BLTP2: variants seen among roughly 807,000 people sequenced by gnomAD.
The protein encoded by BLTP2 is U937-associated antigen.
chr17:28,618,866 T>A, the BLTP2 span: 2 of 1,614,148 alleles, frequency 1.2e-6, no homozygotes, highest in Non-Finnish European at 1.7e-6. Flanking sequence ...GGCGCCACCG[T>A]GCCTGAGCAA....
the BLTP2 span, chr17:28,643,762 T>C: frequency 7.7e-6 from 9 of 1,172,108 alleles, no homozygotes; most frequent in Non-Finnish European, 1.0e-5. Context: ...TTCTCTTTCA[T>C]AGCCATGTTG....
chr17:28,645,064 C>T, the BLTP2 span: 5 of 1,589,166 alleles, frequency 3.1e-6, no homozygotes, highest in Non-Finnish European at 4.3e-6. Flanking sequence ...CATTTAGGTC[C>T]GGGTCCGGCC....
the BLTP2 span, chr17:28,635,045 G>A: frequency 6.2e-7 from 1 of 1,613,382 alleles, no homozygotes; most frequent in Non-Finnish European, 8.5e-7. Context: ...AGTCCCTTCA[G>A]CCACTTCTGA....
the BLTP2 span, chr17:28,615,530 T>C: frequency 9.2e-7 from 1 of 1,092,484 alleles, no homozygotes; most frequent in African/African-American, 1.6e-5. Flanking sequence ...AGGGTAGGCA[T>C]AGAAGCCACT....
At chr17:28,616,034 ATC>A in the BLTP2 span, 2 of 1,348,452 alleles carry the variant, frequency 1.5e-6, no homozygotes, top group Non-Finnish European at 2.1e-6. This position sits in a 1 kb window ranked among gnomAD's most constrained non-coding sequence, Gnocchi z 4.8. Context: ...CCTGTATAGA[ATC>A]TCTGATCTTA....
At chr17:28,625,517 G>A in the BLTP2 span, among the ~76,000 whole-genome samples, 5 of 151,954 alleles carry the variant, frequency 3.3e-5, no homozygotes, top group Non-Finnish European at 5.9e-5. Context: ...CCTTACTAGT[G>A]ACGCAAATTC....
At chr17:28,640,469 C>A in the BLTP2 span, 1 of 1,355,026 alleles carries the variant, frequency 7.4e-7, no homozygotes, top group Non-Finnish European at 1.0e-6. Flanking sequence ...TCCCCGTAGA[C>A]AAGCTCAGCA....
the BLTP2 span, chr17:28,615,552 C>T: frequency 1.5e-6 from 2 of 1,368,778 alleles, no homozygotes; most frequent in African/African-American, 1.4e-5. Flanking sequence ...ACTTCATGCA[C>T]CTGCCCCTTC....
At chr17:28,633,912 A>G in the BLTP2 span, 1 of 1,614,124 alleles carries the variant, frequency 6.2e-7, no homozygotes, top group South Asian at 1.1e-5. Context: ...GTCATGGTAG[A>G]ATTTGAGTGG....
the BLTP2 span, among the ~76,000 whole-genome samples, chr17:28,615,489 T>G: frequency 2.0e-5 from 3 of 152,360 alleles, no homozygotes; most frequent in East Asian, 1.9e-4. Context: ...CAGTAAACAC[T>G]GAATTTAATA....
At chr17:28,639,738 T>G in the BLTP2 span, 132 of 1,417,854 alleles carry the variant, frequency 9.3e-5, 1 homozygote, top group East Asian at 3.0e-3. Context: ...ATCAACAGAC[T>G]GTCATCAAAA....
At chr17:28,634,465 C>A in the BLTP2 span, 1 of 1,554,102 alleles carries the variant, frequency 6.4e-7, no homozygotes, top group South Asian at 1.2e-5. Flanking sequence ...GAGAGCTCCC[C>A]AGAGCTCAGC....
At chr17:28,619,808 C>T in the BLTP2 span, 4 of 1,613,724 alleles carry the variant, frequency 2.5e-6, no homozygotes, top group African/African-American at 1.3e-5. Context: ...GAGAGACCGC[C>T]CTCGTTCTAG....
the BLTP2 span, chr17:28,642,836 G>A: frequency 8.1e-7 from 1 of 1,233,544 alleles, no homozygotes; most frequent in Non-Finnish European, 1.2e-6. Context: ...GGCAAGAATA[G>A]GACGGCTAGA....
chr17:28,632,289 T>G, the BLTP2 span: 1 of 1,502,344 alleles, frequency 6.7e-7, no homozygotes, highest in Non-Finnish European at 9.1e-7. Flanking sequence ...AACACAGAGG[T>G]AAAGCTAAAT....
the BLTP2 span, chr17:28,628,580 T>C: frequency 5.6e-6 from 9 of 1,603,304 alleles, no homozygotes; most frequent in Non-Finnish European, 7.7e-6. Context: ...GGAAAAGGAC[T>C]TCAGGGTAGC....
the BLTP2 span, among the ~76,000 whole-genome samples, chr17:28,636,702 G>A: frequency 1.3e-5 from 2 of 152,060 alleles, no homozygotes; most frequent in African/African-American, 4.8e-5. Flanking sequence ...AAATAAAGAA[G>A]ATCAGGTGTC....
At chr17:28,621,229 G>GCCT in the BLTP2 span, 3 of 1,547,922 alleles carry the variant, frequency 1.9e-6, no homozygotes, top group Non-Finnish European at 2.7e-6. Flanking sequence ...TAATGTGAGA[G>GCCT]CCTCCCAGCT....
chr17:28,615,815 AGGGG>A, the BLTP2 span: 8 of 1,610,872 alleles, frequency 5.0e-6, no homozygotes, highest in Admixed American at 6.7e-5. Context: ...GAGGAGGGGG[AGGGG>A]AAAGAAAAAA....
Sources: allele counts gnomAD v4.1 joint callset (sites outside exome capture counted in the v4.1 genomes callset), GRCh38; gene constraint gnomAD v4.1.1; non-coding constraint Gnocchi (gnomAD v3.1); transcripts MANE v1.5; gene names NCBI Gene and HGNC (gene_info 2026-07-23, HGNC 2026-07-21).